Variants in MTMR14 observed in about 807,000 individuals in gnomAD.
The protein encoded by MTMR14 is phosphatidylinositol-3,5-bisphosphate 3-phosphatase MTMR14.
A neutral mutation model predicts 86.3 loss-of-function variants in MTMR14; 48 were observed. That is an observed-to-expected ratio of 0.56 (90% CI 0.44 to 0.71). The LOEUF (loss-of-function observed/expected upper bound fraction) is 0.71, where lower values mean the gene tolerates loss of function less well. MTMR14 is among the 30% of genes least tolerant of loss of function. MTMR14 has a pLI of 0.00. For missense variants in MTMR14, 780 were observed against 834.6 expected (o/e 0.93, Z 0.81); for synonymous variants, 366 against 326.1 (o/e 1.12, Z -1.32).
chr3:9,667,802 G>A (rs1257133485), intron 3 of MTMR14, among the ~76,000 whole-genome samples: 1 of 152,202 alleles, frequency 6.6e-6, no homozygotes. Flanking sequence ...TATCTTACAG[G>A]TAGAGATGGA....
chr3:9,687,758 C>T, intron 13 of MTMR14, 63 bp from the exon 14 acceptor site: 1 of 1,447,970 alleles, frequency 6.9e-7, no homozygotes, highest in Admixed American at 2.0e-5. Flanking sequence ...GCTGGCCGCC[C>T]TCCCCTGGGA....
intron 1 of MTMR14, among the ~76,000 whole-genome samples, 166 bp downstream of exon 1, chr3:9,649,908 G>A (rs1023718807): frequency 1.3e-5 from 2 of 152,036 alleles, no homozygotes; most frequent in African/African-American, 2.4e-5. Context: ...TATAAGAGTC[G>A]GTCTTGACAA....
rs368773706 is a variant in MTMR14 at position 9,672,656 on chromosome 3, C to T, written c.678-29C>T. On this transcript the variant is annotated intron_variant, in intron 6 of 18. Transcript: ENST00000296003. ...GTGTGTTTGTGTGTGTGTTGCGACACTGTAACACATTGTATCCTTGTCTTG... is the reference window on the plus strand; with the variant it reads ...GTGTGTTTGTGTGTGTGTTGCGACATTGTAACACATTGTATCCTTGTCTTG... 1.6e-4 allele frequency: 259 copies of T among 1,582,490 alleles called. 3 individuals carry two copies. Among genetic ancestry groups the T allele is most frequent in the Non-Finnish European group, 3.7e-5 (43 of 1,151,176 alleles).
At chr3:9,689,803 C>G (rs922285401) in intron 16 of MTMR14, among the ~76,000 whole-genome samples, 161 bp from the exon 17 acceptor site, 2 of 152,246 alleles carry the variant, frequency 1.3e-5, no homozygotes, top group African/African-American at 2.4e-5. Context: ...AGACCCAGCC[C>G]TGCTGCCCAT....
At position 9,668,789 on chromosome 3, in the gene MTMR14, T is replaced by TC. The variant is rs1169257881; in HGVS notation, c.489dup (p.Ser164LeufsTer6). 1.1e-5 allele frequency: 18 copies of TC among 1,614,112 alleles called. No homozygotes were observed. The South Asian group carries it at 1.9e-4, about 17-fold the overall frequency. ...GGACGCTCAGGCTACAACTATTTTTTCTCAGGTGAATGTTGAACAGCATCC... is the reference window on the plus strand; with the variant it reads ...GGACGCTCAGGCTACAACTATTTTTTCCTCAGGTGAATGTTGAACAGCATCC... On this transcript the variant is annotated frameshift_variant, in exon 4 of 19. Transcript: ENST00000296003. LOFTEE classifies it high-confidence loss of function.
intron 3 of MTMR14, among the ~76,000 whole-genome samples, chr3:9,664,486 C>T (rs1395854630): frequency 6.6e-6 from 1 of 151,912 alleles, no homozygotes; most frequent in East Asian, 1.9e-4. Context: ...GAAATGCTTG[C>T]TTCCACAACC....
chr3:9,687,769 G>A, intron 13 of MTMR14, 52 bp from the exon 14 acceptor site: 24 of 1,508,614 alleles, frequency 1.6e-5, no homozygotes, highest in Non-Finnish European at 2.2e-5. Flanking sequence ...TCCCCTGGGA[G>A]TTCTGCTGCC....
In MTMR14 at chr3:9,671,117, C is replaced by T. The variant is rs376853912; in HGVS notation, c.624C>T (p.Val208=). 6 of 1,614,020 alleles carry T rather than the reference C, an allele frequency of 3.7e-6. No individual in the cohort carries two copies. The African/African-American group carries it at 8.0e-5, about 22-fold the overall frequency. ...TCAAGCTGCTTCGATACCTGTCAGT[C>T]AAATACATCTGTGACCTGATGGTGG... is the stretch of plus-strand genomic sequence containing the variant. ...YDIKLLRYLS[V]KYICDLMVEN... Residue 208 remains valine, a synonymous_variant, in exon 6 of 19, where the codon GTC becomes GTT. Coordinates refer to ENST00000296003, the MANE Select transcript of MTMR14 (RefSeq NM_001077525.3).
At chr3:9,670,377 A>G (rs1440831722) in intron 5 of MTMR14, among the ~76,000 whole-genome samples, 1 of 152,226 alleles carries the variant, frequency 6.6e-6, no homozygotes, top group African/African-American at 2.4e-5. Context: ...CTTAGCAAGG[A>G]AACTGCTGGG....
At chr3:9,656,439 T>TA (rs1574932245) in intron 2 of MTMR14, among the ~76,000 whole-genome samples, 3 of 152,018 alleles carry the variant, frequency 2.0e-5, no homozygotes, top group African/African-American at 7.3e-5. Context: ...TTTTTTTTTT[T>TA]AAGACAGAAT....
Position 9,689,852 on chromosome 3 carries a change from A to G in MTMR14, c.1434-112A>G, listed in dbSNP as rs374092163. 4.6e-6 allele frequency: 5 copies of G among 1,076,724 alleles called. No homozygotes were observed. In the South Asian group the frequency reaches 5.8e-5, roughly 12 times the overall value. The allele number at this position is 1,076,724 out of a possible 1,614,324, so 66.7% of individuals were successfully genotyped here. ...AGAGAGTGCTAATGTTTGCCAACTC[A>G]TGTGATGTTTTCCCAGTGGAAGTAA... On this transcript the variant is annotated intron_variant, in intron 16 of 18. Coordinates refer to ENST00000296003, the MANE Select transcript of MTMR14 (RefSeq NM_001077525.3).
chr3:9,655,159 G>A (rs190315253), intron 2 of MTMR14, among the ~76,000 whole-genome samples: 1 of 152,164 alleles, frequency 6.6e-6, no homozygotes, highest in East Asian at 1.9e-4. Flanking sequence ...CTGAGGTCAG[G>A]AGTTTGAGAC....
chr3:9,671,724 T>G (rs2048576131), intron 6 of MTMR14, among the ~76,000 whole-genome samples: 1 of 152,174 alleles, frequency 6.6e-6, no homozygotes, highest in South Asian at 2.1e-4. Context: ...TGCTGTCATA[T>G]AAAAATAACA....
At position 9,697,737 on chromosome 3, in the gene MTMR14, CCT is replaced by C. The variant is rs748143424; in HGVS notation, c.1648_1649del (p.Ser550HisfsTer34). 4 of 1,614,100 alleles carry C rather than the reference CCT, an allele frequency of 2.5e-6. No individual in the cohort carries two copies. The South Asian group carries it at 4.4e-5, about 18-fold the overall frequency. On this transcript the variant is annotated frameshift_variant, in exon 18 of 19. Coordinates refer to ENST00000296003, the MANE Select transcript of MTMR14 (RefSeq NM_001077525.3). LOFTEE classifies it high-confidence loss of function. ...TCAGTGGACCATCCCCTGCCCGGAT[CCT>C]CTCTCTCCACAGACTATGGCAGCTG...
At chr3:9,659,750 A>G (rs1178756929) in intron 2 of MTMR14, 2 of 456,506 alleles carry the variant, frequency 4.4e-6, no homozygotes, top group Non-Finnish European at 8.8e-6. Flanking sequence ...CCAGAAACTG[A>G]ATTGGAGCTT....
intron 3 of MTMR14, among the ~76,000 whole-genome samples, chr3:9,665,371 CAG>C (rs199924531): frequency 0.021 from 3,206 of 150,620 alleles, 105 homozygotes; most frequent in African/African-American, 0.072. Context: ...CCAGCGGAAA[CAG>C]AAAATCAAAT....
chr3:9,678,637 T>C (rs940691103), intron 9 of MTMR14, among the ~76,000 whole-genome samples: 18 of 152,256 alleles, frequency 1.2e-4, no homozygotes, highest in Non-Finnish European at 2.2e-4. Context: ...TTCCTCTGCC[T>C]GGCTGCCACC....
At chr3:9,662,416 C>G (rs752820960) in intron 3 of MTMR14, 41 bp downstream of exon 3, 1 of 1,539,150 alleles carries the variant, frequency 6.5e-7, no homozygotes, top group Non-Finnish European at 9.0e-7. Context: ...CGACTCTCTT[C>G]TGGGGTAGCT....
At chr3:9,667,337 T>G (rs2048311075) in intron 3 of MTMR14, among the ~76,000 whole-genome samples, 1 of 152,166 alleles carries the variant, frequency 6.6e-6, no homozygotes, top group Admixed American at 6.5e-5. Context: ...TTGACTGACT[T>G]CTTAAAGCAA....
Sources: allele counts gnomAD v4.1 joint callset (sites outside exome capture counted in the v4.1 genomes callset), GRCh38; gene constraint gnomAD v4.1.1; transcripts MANE v1.5; gene names NCBI Gene and HGNC (gene_info 2026-07-23, HGNC 2026-07-21).